HIVEP3: variants seen among roughly 807,000 people sequenced by gnomAD.
The protein encoded by HIVEP3 is HIVEP zinc finger 3, also known as transcription factor HIVEP3.
In HIVEP3, 49 loss-of-function variants were observed where a neutral mutation model predicts 152.8. That is an observed-to-expected ratio of 0.32 (90% CI 0.26 to 0.41). The LOEUF is 0.41. Among genes scored for constraint, HIVEP3 ranks in the 10% least tolerant of loss-of-function variants. HIVEP3 has a pLI of 1.00. For synonymous variants in HIVEP3, 1,269 were observed against 1,289.0 expected, an observed-to-expected ratio of 0.98 and a Z score of 0.33; for missense variants, 2,790 against 3,103.3, an observed-to-expected ratio of 0.90 and a Z score of 2.40.
At chr1:41,942,514 AAGAATGCAGAG>A (rs1288970922) in intron 1 of HIVEP3, among the ~76,000 whole-genome samples, 6 of 152,246 alleles carry the variant, frequency 3.9e-5, no homozygotes, top group Non-Finnish European at 8.8e-5. Context: ...CATTGTTAGC[AAGAATGCAGAG>A]TGGTATAACC....
intron 5 of HIVEP3, among the ~76,000 whole-genome samples, chr1:41,546,573 A>G (rs532091317): frequency 2.5e-4 from 38 of 152,296 alleles, no homozygotes; most frequent in South Asian, 2.1e-4. Context: ...GAGTCAGCAA[A>G]TTGGCTGATG....
At chr1:41,743,045 C>A (rs1265616149) in intron 1 of HIVEP3, among the ~76,000 whole-genome samples, 1 of 150,290 alleles carries the variant, frequency 6.7e-6, no homozygotes, top group African/African-American at 2.5e-5. Context: ...TAATGGTGGG[C>A]AATACCACAT....
rs1024497938 is a variant in HIVEP3, at chr1:41,742,879, T to C, written c.-800-41884A>G. The stretch of plus-strand genomic sequence containing the variant: ...GAGTGAGGAGTGCAGTCTCTAAAGC[T>C]GGGCCCCTAGGTTTCATATCCATCA... On this transcript the variant is annotated intron_variant, in intron 1 of 8. Coordinates refer to ENST00000372583, the MANE Select transcript of HIVEP3 (RefSeq NM_024503.5). Among the ~76,000 whole-genome samples, 22 of 152,348 alleles carry C rather than the reference T, an allele frequency of 1.4e-4. No individual in the cohort carries two copies. The East Asian group carries it at 4.2e-3, about 29-fold the overall frequency.
intron 1 of HIVEP3, among the ~76,000 whole-genome samples, chr1:41,705,071 G>A (rs1646413476): frequency 6.6e-6 from 1 of 152,200 alleles, no homozygotes; most frequent in Non-Finnish European, 1.5e-5. Flanking sequence ...TGGTATAAAG[G>A]ATCACATTGA....
At chr1:41,538,886 A>T (rs1643463178) in intron 5 of HIVEP3, among the ~76,000 whole-genome samples, 1 of 152,104 alleles carries the variant, frequency 6.6e-6, no homozygotes, top group Non-Finnish European at 1.5e-5. Context: ...CCTGGCCTGC[A>T]GGGTTCTAGA....
At position 41,584,680 on chromosome 1, in the gene HIVEP3, T is replaced by C. The variant is rs774462248; in HGVS notation, c.118A>G (p.Ser40Gly). 1.3e-6 allele frequency: 2 copies of C among 1,584,468 alleles called. No individual in the cohort carries two copies. Among genetic ancestry groups the C allele is most frequent in the Admixed American group, 3.6e-5 (2 of 55,796 alleles). ...SVSSSVPYPG[S>G]GTAATQESPA... is the part of the protein sequence containing the mutation. Reference sequence around the variant, plus strand: ...CTCTCTTGGGTGGCAGCTGTGCCGCTGCCTGGGTATGGGACGCTGGAAGAA... The same window carrying C: ...CTCTCTTGGGTGGCAGCTGTGCCGCCGCCTGGGTATGGGACGCTGGAAGAA... The change falls in exon 4 of 9, where the codon AGC (serine) becomes GGC (glycine). Residue 40 changes from serine (S) to glycine (G), a missense_variant. Around this residue, in one of 9 missense-constraint regions of HIVEP3, gnomAD observed 209 missense variants for 237.0 expected, o/e 0.88. Transcript: ENST00000372583. The surrounding 1 kb of genome is among the most constrained non-coding windows in gnomAD (Gnocchi z 5.2).
chr1:41,763,001 G>C (rs1166481910), intron 1 of HIVEP3, among the ~76,000 whole-genome samples: 1 of 152,208 alleles, frequency 6.6e-6, no homozygotes, highest in Non-Finnish European at 1.5e-5. Flanking sequence ...GCCTGCCAAG[G>C]TGACTGGGGA....
chr1:41,929,623 G>T (rs376277223), intron 1 of HIVEP3, among the ~76,000 whole-genome samples: 142 of 151,526 alleles, frequency 9.4e-4, no homozygotes, highest in African/African-American at 3.2e-3. Flanking sequence ...GGCCATCTCA[G>T]TAGACAGAGC....
intron 1 of HIVEP3, among the ~76,000 whole-genome samples, chr1:41,981,420 G>A (rs538154030): frequency 2.0e-5 from 3 of 152,206 alleles, no homozygotes; most frequent in African/African-American, 4.8e-5. Context: ...CGGCTCCGTC[G>A]GGGGCAGGAG....
intron 1 of HIVEP3, among the ~76,000 whole-genome samples, chr1:41,937,987 A>T (rs1645027997): frequency 6.6e-6 from 1 of 152,308 alleles, no homozygotes; most frequent in Middle Eastern, 3.4e-3. Context: ...ACACCACTGT[A>T]TGTGTCTGGG....
intron 3 of HIVEP3, among the ~76,000 whole-genome samples, chr1:41,601,284 A>T (rs1277590245): frequency 2.0e-5 from 3 of 152,120 alleles, no homozygotes. Flanking sequence ...TATTTAGGCA[A>T]AGTAATGTAA....
At chr1:41,769,035 G>A (rs961007546) in intron 1 of HIVEP3, among the ~76,000 whole-genome samples, 3 of 152,332 alleles carry the variant, frequency 2.0e-5, no homozygotes, top group Non-Finnish European at 4.4e-5. Flanking sequence ...CTTGGCCAGC[G>A]TGTTGCAATG....
intron 1 of HIVEP3, among the ~76,000 whole-genome samples, chr1:42,000,720 C>T (rs377543224): frequency 2.0e-5 from 3 of 152,172 alleles, no homozygotes; most frequent in African/African-American, 4.8e-5. Flanking sequence ...TTCAAATCAG[C>T]ACCCAAAAAC....
intron 1 of HIVEP3, among the ~76,000 whole-genome samples, chr1:41,900,898 T>A (rs1412722181): frequency 2.6e-5 from 4 of 152,100 alleles, no homozygotes; most frequent in Non-Finnish European, 5.9e-5. Context: ...GGAAGAATTT[T>A]CAATTATCTT....
At chr1:41,738,433 T>A (rs968720700) in intron 1 of HIVEP3, among the ~76,000 whole-genome samples, 3 of 152,094 alleles carry the variant, frequency 2.0e-5, no homozygotes, top group African/African-American at 4.8e-5. Context: ...ATTTAAAAAT[T>A]CCTAAAGTAA....
chr1:41,527,910 TCACA>T (rs1215692554), intron 5 of HIVEP3, among the ~76,000 whole-genome samples: 16 of 84,412 alleles, frequency 1.9e-4, no homozygotes, highest in Non-Finnish European at 2.6e-4. Flanking sequence ...ATGCTCACCC[TCACA>T]CACACACCCC....
chr1:41,714,407 T>C (rs1485700252), intron 1 of HIVEP3, among the ~76,000 whole-genome samples: 2 of 152,162 alleles, frequency 1.3e-5, no homozygotes, highest in African/African-American at 2.4e-5. Context: ...CATTTAAGAC[T>C]CACTGAAATC....
At chr1:41,722,891 A>G (rs1034972949) in intron 1 of HIVEP3, among the ~76,000 whole-genome samples, 2 of 152,174 alleles carry the variant, frequency 1.3e-5, no homozygotes, top group African/African-American at 4.8e-5. Context: ...ACAGGAAGAA[A>G]GAGAAAGACA....
At chr1:42,004,689 C>T (rs1043397655) in intron 1 of HIVEP3, among the ~76,000 whole-genome samples, 6 of 152,174 alleles carry the variant, frequency 3.9e-5, no homozygotes, top group African/African-American at 9.7e-5. Flanking sequence ...TAGGAAAATC[C>T]TATCACCTAT....
Sources: allele counts gnomAD v4.1 joint callset (sites outside exome capture counted in the v4.1 genomes callset), GRCh38; gene constraint gnomAD v4.1.1; regional missense constraint gnomAD v4.1.1; non-coding constraint Gnocchi (gnomAD v3.1); transcripts MANE v1.5; gene names NCBI Gene and HGNC (gene_info 2026-07-23, HGNC 2026-07-21).